ADGRB3: variants seen among roughly 807,000 people sequenced by gnomAD.
The protein encoded by ADGRB3 is adhesion G protein-coupled receptor B3, also known as brain-specific angiogenesis inhibitor 3.
Under a neutral mutation model 193.4 loss-of-function variants are expected in ADGRB3, and 37 were observed. That is an observed-to-expected ratio of 0.19 (90% CI 0.15 to 0.25). ADGRB3 has a LOEUF of 0.25. ADGRB3 is among the 10% of genes least tolerant of loss of function. ADGRB3 has a pLI of 1.00. For synonymous variants in ADGRB3, 690 were observed against 644.2 expected, an observed-to-expected ratio of 1.07 and a Z score of -1.08; for missense variants, 1,637 against 1,852.9, an observed-to-expected ratio of 0.88 and a Z score of 2.14.
intron 3 of ADGRB3, among the ~76,000 whole-genome samples, chr6:68,704,446 GT>G: frequency 6.6e-6 from 1 of 152,206 alleles, no homozygotes; most frequent in East Asian, 1.9e-4. Context: ...GCTTTTTGCT[GT>G]TTTTAGAAAA....
At chr6:69,025,949 A>G (rs1770421755) in intron 13 of ADGRB3, among the ~76,000 whole-genome samples, 1 of 152,170 alleles carries the variant, frequency 6.6e-6, no homozygotes, top group South Asian at 2.1e-4. Flanking sequence ...CCAGGTGTGT[A>G]ATGGGCTTTC....
At chr6:69,255,186 A>G (rs1305672448) in intron 20 of ADGRB3, among the ~76,000 whole-genome samples, 3 of 152,148 alleles carry the variant, frequency 2.0e-5, no homozygotes, top group Non-Finnish European at 2.9e-5. Context: ...ATGTGTCTTT[A>G]TAGCAGCATG....
intron 29 of ADGRB3, among the ~76,000 whole-genome samples, chr6:69,368,048 T>A: frequency 6.7e-6 from 1 of 149,992 alleles, no homozygotes; most frequent in East Asian, 2.0e-4. Flanking sequence ...TAATGCTAGA[T>A]GACGAGTTAA....
intron 3 of ADGRB3, among the ~76,000 whole-genome samples, chr6:68,646,842 G>T (rs913812799): frequency 2.6e-5 from 4 of 152,112 alleles, no homozygotes; most frequent in Non-Finnish European, 4.4e-5. Flanking sequence ...GGTAACATTG[G>T]TTTAAAAACA....
intron 17 of ADGRB3, among the ~76,000 whole-genome samples, chr6:69,219,494 CGT>C (rs1208865300): frequency 1.2e-4 from 8 of 68,080 alleles, no homozygotes; most frequent in African/African-American, 3.1e-4. Flanking sequence ...TATATATATA[CGT>C]GTGTGTGTAT....
At chr6:69,070,310 ATTTC>A (rs925490973) in intron 16 of ADGRB3, among the ~76,000 whole-genome samples, 2 of 152,150 alleles carry the variant, frequency 1.3e-5, no homozygotes, top group African/African-American at 2.4e-5. Context: ...TAACCACTTT[ATTTC>A]TTTTTTTAAG....
intron 17 of ADGRB3, among the ~76,000 whole-genome samples, chr6:69,096,775 T>C (rs1772891226): frequency 6.6e-6 from 1 of 152,180 alleles, no homozygotes; most frequent in African/African-American, 2.4e-5. Flanking sequence ...AAGATGACAA[T>C]ACCTTTCTGA....
At chr6:69,038,642 A>G (rs1424202433) in intron 13 of ADGRB3, among the ~76,000 whole-genome samples, 4 of 152,250 alleles carry the variant, frequency 2.6e-5, no homozygotes, top group African/African-American at 2.4e-5. Context: ...CTAAAAGACC[A>G]TAAAACTTAC....
chr6:68,949,771 A>G (rs1435758312), intron 6 of ADGRB3, among the ~76,000 whole-genome samples: 1 of 152,070 alleles, frequency 6.6e-6, no homozygotes, highest in African/African-American at 2.4e-5. Flanking sequence ...GATTTTGGGC[A>G]TTATTCCAGT....
intron 20 of ADGRB3, among the ~76,000 whole-genome samples, chr6:69,298,007 A>G (rs1767865918): frequency 6.6e-6 from 1 of 152,098 alleles, no homozygotes; most frequent in South Asian, 2.1e-4. Context: ...ATTATTCTTG[A>G]GTTATTATTA....
intron 3 of ADGRB3, among the ~76,000 whole-genome samples, chr6:68,909,520 C>G (rs192918178): frequency 6.6e-4 from 100 of 152,276 alleles, no homozygotes; most frequent in African/African-American, 2.3e-3. Context: ...TTTTATCCTT[C>G]TACTAAGGCA....
chr6:69,379,709 G>T (rs1019040688), intron 30 of ADGRB3, among the ~76,000 whole-genome samples: 3 of 152,006 alleles, frequency 2.0e-5, no homozygotes, highest in African/African-American at 7.2e-5. Context: ...GACATGAGCT[G>T]TCAGTGGCAG....
intron 20 of ADGRB3, among the ~76,000 whole-genome samples, chr6:69,263,883 G>C (rs139274515): frequency 2.0e-5 from 3 of 151,910 alleles, no homozygotes; most frequent in Admixed American, 2.0e-4. Flanking sequence ...CAGCAGAGCC[G>C]AGCAAAACTC....
chr6:69,168,001 C>A (rs976860823), intron 17 of ADGRB3, among the ~76,000 whole-genome samples: 4 of 152,022 alleles, frequency 2.6e-5, no homozygotes, highest in African/African-American at 9.7e-5. Flanking sequence ...AAATGAGAAA[C>A]GATGTATGAT....
chr6:68,958,277 T>C (rs539980771), intron 8 of ADGRB3, among the ~76,000 whole-genome samples: 1 of 152,296 alleles, frequency 6.6e-6, no homozygotes, highest in African/African-American at 2.4e-5. Context: ...GTAACCAGCA[T>C]GCAGGGTTGT....
At chr6:68,692,228 T>A (rs1490495108) in intron 3 of ADGRB3, among the ~76,000 whole-genome samples, 1 of 151,910 alleles carries the variant, frequency 6.6e-6, no homozygotes, top group Non-Finnish European at 1.5e-5. Context: ...TCACTTGCAA[T>A]CAGTTTTTAG....
intron 17 of ADGRB3, among the ~76,000 whole-genome samples, chr6:69,117,275 T>C (rs945470767): frequency 6.6e-6 from 1 of 152,226 alleles, no homozygotes; most frequent in African/African-American, 2.4e-5. Context: ...TGCTTGTCAA[T>C]AGAAGTTCTA....
At chr6:69,381,970 A>G (rs1769955456) in intron 30 of ADGRB3, among the ~76,000 whole-genome samples, 2 of 151,880 alleles carry the variant, frequency 1.3e-5, no homozygotes, top group South Asian at 4.1e-4. Flanking sequence ...ACAATTACAA[A>G]TACAGGGCAC....
At chr6:68,958,092 G>T (rs548553558) in intron 8 of ADGRB3, among the ~76,000 whole-genome samples, 1 of 151,992 alleles carries the variant, frequency 6.6e-6, no homozygotes, top group Non-Finnish European at 1.5e-5. Flanking sequence ...TCCCAGCTAC[G>T]CAGGAGGCTG....
Sources: allele counts gnomAD v4.1 joint callset (sites outside exome capture counted in the v4.1 genomes callset), GRCh38; gene constraint gnomAD v4.1.1; transcripts MANE v1.5; gene names NCBI Gene and HGNC (gene_info 2026-07-23, HGNC 2026-07-21).